Variants in CLIC5 observed in about 807,000 individuals in gnomAD.
CLIC5 encodes the protein CLIC family member 5, also known as chloride intracellular channel protein 5.
Under a neutral mutation model 24.7 loss-of-function variants are expected in CLIC5, and 20 were observed. The ratio of observed to expected loss-of-function variants is 0.81; its 90% CI spans 0.57 to 1.18. The LOEUF (loss-of-function observed/expected upper bound fraction) is 1.18, where lower values mean the gene tolerates loss of function less well. Ranked by LOEUF, CLIC5 falls within the 50% of genes most tolerant of loss-of-function variation. CLIC5 has a pLI of 0.00. For synonymous variants in CLIC5, 159 were observed against 135.6 expected (o/e 1.17, Z -1.20); for missense variants, 341 against 326.1 (o/e 1.05, Z -0.35).
intron 1 of CLIC5, among the ~76,000 whole-genome samples, chr6:46,021,517 A>G (rs1365883130): frequency 1.3e-5 from 2 of 152,220 alleles, no homozygotes; most frequent in Non-Finnish European, 2.9e-5. Flanking sequence ...ATTGCCCCAA[A>G]CTGGAAACAT....
chr6:46,088,023 T>C, the CLIC5 span, among the ~76,000 whole-genome samples: 4 of 152,254 alleles, frequency 2.6e-5, no homozygotes, highest in South Asian at 8.3e-4. Flanking sequence ...TCTCTACCTT[T>C]GACAGTTTTA....
chr6:46,097,441 G>A, the CLIC5 span: 6 of 152,350 alleles, frequency 3.9e-5, no homozygotes, highest in African/African-American at 1.4e-4. Context: ...TGTACATTTG[G>A]AGAGGCAGTG....
chr6:46,058,367 A>G lies in CLIC5; in HGVS notation c.540+21336T>C, dbSNP rs1024391578. Reference sequence around the variant, plus strand: ...GGCAAGTGTCTGTGGTGGGTATCATACCACATTCTATAAATAGAGATGTCA... The same window carrying G: ...GGCAAGTGTCTGTGGTGGGTATCATGCCACATTCTATAAATAGAGATGTCA... On this transcript the variant is annotated intron_variant, in intron 1 of 5. Coordinates refer to the CLIC5 transcript ENST00000185206. 6.6e-5 allele frequency among the ~76,000 whole-genome samples: 10 copies of G among 152,326 alleles called. No homozygotes were observed. The East Asian group carries it at 1.7e-3, about 26-fold the overall frequency.
At chr6:46,089,406 T>C in the CLIC5 span, among the ~76,000 whole-genome samples, 4 of 152,178 alleles carry the variant, frequency 2.6e-5, no homozygotes, top group South Asian at 8.3e-4. Context: ...GGTAACATGC[T>C]TCAGGAGGTT....
chr6:46,098,204 CAA>C, the CLIC5 span, among the ~76,000 whole-genome samples: 1 of 152,182 alleles, frequency 6.6e-6, no homozygotes, highest in Admixed American at 6.5e-5. Flanking sequence ...CTATTGAGGG[CAA>C]AGTTTCTTAA....
At chr6:46,079,675 G>A in intron 1 of CLIC5, 4 of 1,525,874 alleles carry the variant, frequency 2.6e-6, no homozygotes, top group Non-Finnish European at 3.5e-6. Flanking sequence ...TGCATGAACA[G>A]GGTATGCCTG....
intron 5 of CLIC5, among the ~76,000 whole-genome samples, chr6:45,905,480 C>CTTT (rs36089623): frequency 8.0e-6 from 1 of 125,284 alleles, no homozygotes; most frequent in Non-Finnish European, 1.7e-5. Context: ...TGATACTGAG[C>CTTT]TTTTTTTTTT....
intron 1 of CLIC5, among the ~76,000 whole-genome samples, chr6:45,998,078 C>T (rs994873247): frequency 6.6e-6 from 1 of 152,228 alleles, no homozygotes; most frequent in Non-Finnish European, 1.5e-5. Flanking sequence ...CTCAGGTAAT[C>T]TGTCCTTGGG....
chr6:45,985,723 T>A (rs1198587991), intron 1 of CLIC5, among the ~76,000 whole-genome samples: 1 of 152,126 alleles, frequency 6.6e-6, no homozygotes, highest in African/African-American at 2.4e-5. Flanking sequence ...GTTGGCTGCA[T>A]CCCTTTTCCA....
intron 6 of CLIC5, among the ~76,000 whole-genome samples, chr6:45,890,867 T>C (rs1239541921): frequency 6.6e-6 from 1 of 151,946 alleles, no homozygotes; most frequent in Non-Finnish European, 1.5e-5. Flanking sequence ...TGTGGAATCT[T>C]AACAACTCAG....
At chr6:45,988,178 G>A (rs1375980750) in intron 1 of CLIC5, among the ~76,000 whole-genome samples, 2 of 152,310 alleles carry the variant, frequency 1.3e-5, no homozygotes, top group South Asian at 2.1e-4. Flanking sequence ...TGTTGGGATA[G>A]GCATAGGATA....
chr6:45,991,883 A>G (rs1338470), intron 1 of CLIC5, among the ~76,000 whole-genome samples: 91,272 of 152,076 alleles, frequency 0.6, 27,795 homozygotes, highest in East Asian at 0.77. Flanking sequence ...GTGTGAATCC[A>G]TAACAAGATT....
At chr6:45,986,822 T>TG (rs1480645372) in intron 1 of CLIC5, among the ~76,000 whole-genome samples, 2 of 152,322 alleles carry the variant, frequency 1.3e-5, no homozygotes, top group East Asian at 3.9e-4. Flanking sequence ...AAACCACTTG[T>TG]GGGGTCACTT....
intron 5 of CLIC5, among the ~76,000 whole-genome samples, chr6:45,911,188 A>C (rs764522444): frequency 2.0e-5 from 3 of 152,182 alleles, no homozygotes; most frequent in Non-Finnish European, 2.9e-5. Flanking sequence ...CTGCCTCTTG[A>C]AGGTAGAACC....
chr6:45,882,244 C>T (rs1762270164), intron 6 of CLIC5, among the ~76,000 whole-genome samples: 1 of 152,230 alleles, frequency 6.6e-6, no homozygotes, highest in Non-Finnish European at 1.5e-5. Context: ...ACACATCTCC[C>T]CACCCTTCAT....
At chr6:46,012,502 T>C (rs1265218969) in intron 1 of CLIC5, among the ~76,000 whole-genome samples, 1 of 152,176 alleles carries the variant, frequency 6.6e-6, no homozygotes, top group African/African-American at 2.4e-5. Context: ...AATGGGTTAG[T>C]CTCCTTGGAA....
At chr6:46,031,925 C>CATAT (rs547139194) in intron 1 of CLIC5, among the ~76,000 whole-genome samples, 41 of 132,964 alleles carry the variant, frequency 3.1e-4, no homozygotes, top group African/African-American at 9.7e-4. Flanking sequence ...ATGTACACAA[C>CATAT]ATATATATAT....
chr6:45,947,562 G>A (rs367780018), intron 3 of CLIC5, among the ~76,000 whole-genome samples: 6 of 152,022 alleles, frequency 3.9e-5, no homozygotes, highest in Admixed American at 6.6e-5. Flanking sequence ...TGATCATGAC[G>A]GAAGCCCCCA....
Position 45,958,421 on chromosome 6 carries a change from A to ATTATAT in CLIC5, c.64-3183_64-3178dup, listed in dbSNP as rs1561964298. On this transcript the variant is annotated intron_variant, in intron 1 of 5. Coordinates refer to ENST00000339561, the MANE Select transcript of CLIC5 (RefSeq NM_016929.5). ...CAATCAGGGAAGTGTCAAAAAGACA[A>ATTATAT]TTATATATATATATATATATATATA... is the stretch of plus-strand genomic sequence containing the variant. 8.2e-4 allele frequency among the ~76,000 whole-genome samples: 60 copies of ATTATAT among 72,920 alleles called. 1 individual carries two copies. Among genetic ancestry groups the ATTATAT allele is most frequent in the African/African-American group, 5.3e-3 (59 of 11,126 alleles). 47.8% of individuals were successfully genotyped at this position (72,920 alleles called of 152,430 possible).
Sources: allele counts gnomAD v4.1 joint callset (sites outside exome capture counted in the v4.1 genomes callset), GRCh38; gene constraint gnomAD v4.1.1; transcripts MANE v1.5; gene names NCBI Gene and HGNC (gene_info 2026-07-23, HGNC 2026-07-21).